THSD4: variants seen among roughly 807,000 people sequenced by gnomAD.
THSD4 encodes thrombospondin type-1 domain-containing protein 4.
In THSD4, 69 loss-of-function variants were observed where a neutral mutation model predicts 119.0. The observed-to-expected ratio is 0.58, with a 90% CI of 0.48 to 0.71. THSD4 has a LOEUF of 0.71. THSD4 is among the 30% of genes least tolerant of loss of function. The pLI is 0.00. For synonymous variants in THSD4, 524 were observed against 540.4 expected (o/e 0.97, Z 0.42); for missense variants, 1,393 against 1,391.1 (o/e 1.00, Z -0.02).
chr15:71,601,680 C>G (rs1342647271), intron 7 of THSD4, among the ~76,000 whole-genome samples: 2 of 152,238 alleles, frequency 1.3e-5, no homozygotes, highest in African/African-American at 4.8e-5. Flanking sequence ...TGGAAAAAAT[C>G]TAGCTGCCCT....
At chr15:71,218,273 C>T (rs866669839) in intron 4 of THSD4, among the ~76,000 whole-genome samples, 4 of 152,266 alleles carry the variant, frequency 2.6e-5, no homozygotes, top group South Asian at 4.2e-4. Flanking sequence ...GTTTTGAAGG[C>T]GGTGCTGCTC....
At chr15:71,550,438 T>A (rs1344890421) in intron 7 of THSD4, among the ~76,000 whole-genome samples, 1 of 152,196 alleles carries the variant, frequency 6.6e-6, no homozygotes, top group African/African-American at 2.4e-5. Context: ...AAGATGTTCT[T>A]TAATTTTCTT....
chr15:71,197,947 T>C (rs2140233730), intron 3 of THSD4, among the ~76,000 whole-genome samples: 1 of 152,250 alleles, frequency 6.6e-6, no homozygotes, highest in East Asian at 1.9e-4. Flanking sequence ...GGAATATACA[T>C]GTGTGGCTTA....
chr15:71,672,900 T>C (rs1269451811), intron 8 of THSD4, among the ~76,000 whole-genome samples: 2 of 152,242 alleles, frequency 1.3e-5, no homozygotes, highest in Non-Finnish European at 2.9e-5. Flanking sequence ...AAGTATTTTA[T>C]TGAGGATTTT....
At chr15:71,296,888 A>G (rs1040007617) in intron 6 of THSD4, among the ~76,000 whole-genome samples, 2 of 152,204 alleles carry the variant, frequency 1.3e-5, no homozygotes, top group Non-Finnish European at 2.9e-5. Context: ...CATCTGCAAA[A>G]TGAGATTAAT....
chr15:71,520,618 C>T (rs2048426018), intron 7 of THSD4, among the ~76,000 whole-genome samples: 1 of 152,158 alleles, frequency 6.6e-6, no homozygotes, highest in African/African-American at 2.4e-5. Flanking sequence ...TAATAGATAA[C>T]ATTCATCATT....
chr15:71,155,021 G>C (rs1426167259), intron 3 of THSD4, 89 bp downstream of exon 3: 5 of 1,250,678 alleles, frequency 4.0e-6, no homozygotes, highest in Middle Eastern at 1.9e-4. Flanking sequence ...CTGTTTGAAG[G>C]TGAGTCACCA....
rs1595930095 is a variant in THSD4, at chr15:71,765,286, G to C, written c.2769+87G>C. 6 of 1,448,226 alleles carry C rather than the reference G, an allele frequency of 4.1e-6. No homozygotes were observed. The East Asian group carries it at 1.4e-4, about 34-fold the overall frequency. 89.7% of individuals were successfully genotyped at this position (1,448,226 alleles called of 1,614,324 possible). ...TAGACCCCTCTGGGCCAGGCACTGG[G>C]TTCAGCCCTGAAAGAGATTCCCTAC... is the stretch of plus-strand genomic sequence containing the variant. On this transcript the variant is annotated intron_variant, in intron 16 of 17. Coordinates refer to ENST00000261862, the MANE Select transcript of THSD4 (RefSeq NM_024817.3).
intron 7 of THSD4, among the ~76,000 whole-genome samples, chr15:71,432,180 A>G (rs2046951471): frequency 1.3e-5 from 2 of 152,222 alleles, no homozygotes; most frequent in South Asian, 2.1e-4. Context: ...GTATTTGCCA[A>G]TGCTTCCCAT....
At chr15:71,487,260 G>A (rs2047837483) in intron 7 of THSD4, among the ~76,000 whole-genome samples, 2 of 152,144 alleles carry the variant, frequency 1.3e-5, no homozygotes, top group South Asian at 4.1e-4. Flanking sequence ...CTCTCTGTTT[G>A]GAGATGGAAG....
intron 7 of THSD4, among the ~76,000 whole-genome samples, chr15:71,621,230 A>G (rs1220658555): frequency 9.2e-5 from 14 of 152,230 alleles, no homozygotes; most frequent in Admixed American, 9.2e-4. Flanking sequence ...TAATAAAAAT[A>G]CTACTTAATT....
chr15:71,666,793 G>T (rs965417012), intron 8 of THSD4, among the ~76,000 whole-genome samples: 1 of 152,186 alleles, frequency 6.6e-6, no homozygotes, highest in Non-Finnish European at 1.5e-5. Flanking sequence ...TTATAGTGAT[G>T]GTACATTAAA....
chr15:71,138,020 C>T (rs1209185475), intron 1 of THSD4, among the ~76,000 whole-genome samples: 1 of 152,198 alleles, frequency 6.6e-6, no homozygotes, highest in African/African-American at 2.4e-5. Context: ...CTCCCCCAAA[C>T]CTTCTTCCTT....
chr15:71,153,916 T>C (rs2040750652), intron 2 of THSD4, among the ~76,000 whole-genome samples: 1 of 152,208 alleles, frequency 6.6e-6, no homozygotes, highest in African/African-American at 2.4e-5. Context: ...TGTCTCACCT[T>C]TGGTCCGAGG....
chr15:71,159,644 T>C (rs1340238712), intron 3 of THSD4, among the ~76,000 whole-genome samples: 1 of 152,154 alleles, frequency 6.6e-6, no homozygotes, highest in Non-Finnish European at 1.5e-5. Context: ...ATTTTTTGTG[T>C]CCTCTGAGAA....
At chr15:71,530,587 T>C (rs1018463872) in intron 7 of THSD4, among the ~76,000 whole-genome samples, 10 of 150,706 alleles carry the variant, frequency 6.6e-5, no homozygotes, top group Admixed American at 5.4e-4. Context: ...GATGGTAATA[T>C]ACACATCTAT....
At chr15:71,691,776 AG>A (rs2052055240) in intron 8 of THSD4, among the ~76,000 whole-genome samples, 1 of 152,182 alleles carries the variant, frequency 6.6e-6, no homozygotes, top group South Asian at 2.1e-4. Flanking sequence ...TGTCTAGCAC[AG>A]GACTGCCTTG....
chr15:71,488,458 C>T (rs1434902962), intron 7 of THSD4, among the ~76,000 whole-genome samples: 1 of 152,134 alleles, frequency 6.6e-6, no homozygotes, highest in African/African-American at 2.4e-5. Flanking sequence ...CCATTCTATC[C>T]TGTGCTCTAG....
At chr15:71,402,119 G>A (rs1264922936) in intron 6 of THSD4, among the ~76,000 whole-genome samples, 3 of 151,608 alleles carry the variant, frequency 2.0e-5, no homozygotes, top group Non-Finnish European at 4.4e-5. Flanking sequence ...GGGGGATGGG[G>A]GAGGGATAGC....
Sources: allele counts gnomAD v4.1 joint callset (sites outside exome capture counted in the v4.1 genomes callset), GRCh38; gene constraint gnomAD v4.1.1; transcripts MANE v1.5; gene names NCBI Gene and HGNC (gene_info 2026-07-23, HGNC 2026-07-21).